The following DPT variants were observed in gnomAD, a reference collection of about 807,000 sequenced individuals.
The protein encoded by DPT is dermatopontin, also known as tyrosine-rich acidic matrix protein.
Under a neutral mutation model 31.2 loss-of-function variants are expected in DPT, and 21 were observed. That is an observed-to-expected ratio of 0.67 (90% confidence interval 0.48 to 0.97). DPT has a LOEUF of 0.97. Among genes scored for constraint, DPT ranks in the 50% least tolerant of loss-of-function variants. The pLI is 0.00. For synonymous variants in DPT, 91 were observed against 86.9 expected, an observed-to-expected ratio of 1.05 and a Z score of -0.26; for missense variants, 262 against 258.8, an observed-to-expected ratio of 1.01 and a Z score of -0.08.
chr1:168,727,227 C>G (rs1650267129), intron 1 of DPT, among the ~76,000 whole-genome samples: 1 of 152,228 alleles, frequency 6.6e-6, no homozygotes, highest in African/African-American at 2.4e-5. Context: ...CTCTTTGAAG[C>G]AAAGACTCTG....
At chr1:168,715,111 T>G (rs1258488817) in intron 1 of DPT, among the ~76,000 whole-genome samples, 1 of 152,240 alleles carries the variant, frequency 6.6e-6, no homozygotes, top group Non-Finnish European at 1.5e-5. Context: ...ATCCCTTTCC[T>G]GTCCTAGCTG....
At chr1:168,706,892 G>C (rs1649729556) in intron 2 of DPT, among the ~76,000 whole-genome samples, 1 of 152,176 alleles carries the variant, frequency 6.6e-6, no homozygotes, top group South Asian at 2.1e-4. Context: ...ATTTTCATTA[G>C]CCACATTATG....
At chr1:168,716,472 G>A (rs768804570) in intron 1 of DPT, among the ~76,000 whole-genome samples, 2 of 151,688 alleles carry the variant, frequency 1.3e-5, no homozygotes, top group South Asian at 2.1e-4. Flanking sequence ...ATGGCTCTTT[G>A]ATGATCTAGC....
chr1:168,725,754 T>C (rs567482526), intron 1 of DPT, among the ~76,000 whole-genome samples: 6 of 152,340 alleles, frequency 3.9e-5, no homozygotes, highest in Admixed American at 2.0e-4. Flanking sequence ...CTTTTAAAGA[T>C]GGCACTTTGA....
At chr1:168,722,159 C>A (rs1163515415) in intron 1 of DPT, among the ~76,000 whole-genome samples, 3 of 152,080 alleles carry the variant, frequency 2.0e-5, no homozygotes, top group African/African-American at 4.8e-5. Flanking sequence ...ATTGCATGAG[C>A]TACATTAGCA....
At chr1:168,712,221 G>T (rs776270316) in intron 2 of DPT, among the ~76,000 whole-genome samples, 1 of 152,172 alleles carries the variant, frequency 6.6e-6, no homozygotes, top group Non-Finnish European at 1.5e-5. Flanking sequence ...TGTGACAGAG[G>T]CATCTACGAA....
Position 168,696,073 on chromosome 1 carries a change from G to A in DPT, c.*476C>T, listed in dbSNP as rs1649459106. Reference sequence around the variant, plus strand: ...ATGTGGAGCAGGGGAGTGGGAAGATGTCCCTCAGGGCAGAAAGCCTGCTTT... The same window carrying A: ...ATGTGGAGCAGGGGAGTGGGAAGATATCCCTCAGGGCAGAAAGCCTGCTTT... On this transcript the variant is annotated 3_prime_UTR_variant, in exon 4 of 4. Transcript: ENST00000367817. 5 of 398,890 alleles carry A rather than the reference G, an allele frequency of 1.3e-5. No individual in the cohort carries two copies. The highest frequency in any genetic ancestry group is 2.7e-4 in the South Asian group (2 of 7,288). The allele number at this position is 398,890 out of a possible 1,614,324, so 24.7% of individuals were successfully genotyped here. A position where few individuals can be genotyped will look rare whatever the true frequency, so the allele number is the denominator to read the frequency against.
chr1:168,715,355 A>C (rs889197561), intron 1 of DPT, among the ~76,000 whole-genome samples: 2 of 151,776 alleles, frequency 1.3e-5, no homozygotes, highest in Admixed American at 6.6e-5. Context: ...TTTTGCTGTG[A>C]TGATAACACT....
Position 168,700,892 on chromosome 1 carries a change from T to TGTGTGTGTGTGTGTGG in DPT, c.539+109_539+124dup, listed in dbSNP as rs973149626. 6.7e-6 allele frequency: 3 copies of TGTGTGTGTGTGTGTGG among 446,650 alleles called. No individual in the cohort carries two copies. The East Asian group carries it at 1.1e-4, about 17-fold the overall frequency. 27.7% of individuals were successfully genotyped at this position (446,650 alleles called of 1,614,324 possible). On this transcript the variant is annotated intron_variant, in intron 3 of 3. Coordinates refer to ENST00000367817, the MANE Select transcript of DPT (RefSeq NM_001937.5). ...AAGAAATTTTCACTTGTATTCTACG[T>TGTGTGTGTGTGTGTGG]GTGTGTGTGTGTGTGGGTGTGTGTG...
At chr1:168,719,725 C>CT (rs1650061121) in intron 1 of DPT, among the ~76,000 whole-genome samples, 2 of 152,054 alleles carry the variant, frequency 1.3e-5, no homozygotes, top group South Asian at 2.1e-4. Context: ...GGAAATAAGA[C>CT]TATTTCCTTA....
intron 2 of DPT, among the ~76,000 whole-genome samples, chr1:168,701,424 T>C (rs1027418359): frequency 3.3e-5 from 5 of 152,228 alleles, no homozygotes; most frequent in African/African-American, 9.6e-5. Flanking sequence ...ATCAATACTA[T>C]TCCTATTCTA....
chr1:168,707,079 G>T (rs1190950447), intron 2 of DPT, among the ~76,000 whole-genome samples: 1 of 152,198 alleles, frequency 6.6e-6, no homozygotes, highest in East Asian at 1.9e-4. Flanking sequence ...TATGCAAAGA[G>T]CATGGGATTT....
chr1:168,712,887 C>T (rs1306606693), intron 2 of DPT, among the ~76,000 whole-genome samples: 3 of 152,062 alleles, frequency 2.0e-5, no homozygotes, highest in African/African-American at 7.2e-5. Context: ...TGCATTTTCC[C>T]CCCTGAAGAC....
chr1:168,701,056 T>C lies in DPT; in HGVS notation c.500A>G (p.Tyr167Cys), dbSNP rs769009030. ...MDMISYNYDY[Y>C]IRGATTTFSA... is the part of the protein sequence containing the mutation. ...GAAAGTGGTTGTTGCTCCTCGGATATAGTAATCATAATTGTAGGAAATCAT... is the reference window on the plus strand; with the variant it reads ...GAAAGTGGTTGTTGCTCCTCGGATACAGTAATCATAATTGTAGGAAATCAT... Residue 167 changes from tyrosine to cysteine, a missense_variant, in exon 3 of 4, where the codon TAT becomes TGT. By Grantham distance (194) the Tyr-to-Cys change is radical. Coordinates refer to ENST00000367817, the MANE Select transcript of DPT (RefSeq NM_001937.5). The C allele has an allele frequency of 1.2e-6, 2 of 1,613,972 alleles. No homozygotes were observed. The highest frequency in any genetic ancestry group is 1.7e-6 in the Non-Finnish European group (2 of 1,179,932).
chr1:168,705,367 A>G (rs1413794251), intron 2 of DPT, among the ~76,000 whole-genome samples: 1 of 152,178 alleles, frequency 6.6e-6, no homozygotes, highest in Non-Finnish European at 1.5e-5. Context: ...TGATGTGCAC[A>G]TGAACAGATA....
chr1:168,700,909 G>A (rs1649580328), intron 3 of DPT, 108 bp downstream of exon 3: 5 of 413,520 alleles, frequency 1.2e-5, no homozygotes, highest in South Asian at 9.4e-5. Context: ...GTGTGTGTGG[G>A]TGTGTGTGTG....
chr1:168,720,180 C>A (rs368014906), intron 1 of DPT, among the ~76,000 whole-genome samples: 2 of 152,090 alleles, frequency 1.3e-5, no homozygotes, highest in African/African-American at 4.8e-5. Flanking sequence ...AGTGATAATG[C>A]CTACAAAACT....
chr1:168,700,147 TAGG>T (rs1175757198), intron 3 of DPT, among the ~76,000 whole-genome samples: 1 of 152,154 alleles, frequency 6.6e-6, no homozygotes, highest in Non-Finnish European at 1.5e-5. Context: ...GTGATAGTAT[TAGG>T]AGGAGGAGCC....
chr1:168,728,121 C>G (rs779459814), intron 1 of DPT, among the ~76,000 whole-genome samples: 2 of 152,150 alleles, frequency 1.3e-5, no homozygotes, highest in African/African-American at 4.8e-5. Context: ...AGTACAAGCT[C>G]GAAAAAATTC....
Sources: allele counts gnomAD v4.1 joint callset (sites outside exome capture counted in the v4.1 genomes callset), GRCh38; gene constraint gnomAD v4.1.1; transcripts MANE v1.5; gene names NCBI Gene and HGNC (gene_info 2026-07-23, HGNC 2026-07-21).